Variants in LAMB2 observed in about 807,000 individuals in gnomAD.
LAMB2 encodes the protein laminin subunit beta 2.
Under a neutral mutation model 202.7 loss-of-function variants are expected in LAMB2, and 119 were observed. The observed-to-expected ratio is 0.59, with a 90% confidence interval of 0.51 to 0.68. LAMB2 has a LOEUF of 0.68. Ranked by LOEUF, LAMB2 falls within the 30% of genes least tolerant of loss-of-function variation. The pLI is 0.00. For missense variants in LAMB2, 2,124 were observed against 2,410.6 expected, an observed-to-expected ratio of 0.88 and a Z score of 2.49; for synonymous variants, 818 against 902.2, an observed-to-expected ratio of 0.91 and a Z score of 1.67.
Position 49,122,143 on chromosome 3 carries a change from G to A in LAMB2, c.4781+20C>T. The A allele has an allele frequency of 1.2e-6, 2 of 1,613,512 alleles. No individual in the cohort carries two copies. The highest frequency in any genetic ancestry group is 1.6e-4 in the Middle Eastern group (1 of 6,062). On this transcript the variant is annotated intron_variant, in intron 28 of 31. Coordinates refer to ENST00000305544, the MANE Select transcript of LAMB2 (RefSeq NM_002292.4). ...ATCAAAACCAGGTGTCAGGGATAGG[G>A]GCCAGGGATGGGGTCAGACCTTGCC...
chr3:49,125,666 G>C, intron 18 of LAMB2, 81 bp downstream of exon 18: 1 of 1,564,870 alleles, frequency 6.4e-7, no homozygotes, highest in Non-Finnish European at 8.7e-7. Context: ...GAGGAAACCA[G>C]CAGCAGGTCC....
chr3:49,130,158 T>G lies in LAMB2; in HGVS notation c.1225+73A>C. ...CCCCTAACCCCAATTTCCTGCAATT[T>G]AGACAGCAGTCCAGCTCTCTAGTTC... is the stretch of plus-strand genomic sequence containing the variant. On this transcript the variant is annotated intron_variant, in intron 9 of 31. Coordinates refer to ENST00000305544, the MANE Select transcript of LAMB2 (RefSeq NM_002292.4). This position sits in a 1 kb window ranked among gnomAD's most constrained non-coding sequence, Gnocchi z 5.0. 6.3e-7 allele frequency: 1 copy of G among 1,597,834 alleles called. No individual in the cohort carries two copies. Among genetic ancestry groups the G allele is most frequent in the Admixed American group, 1.7e-5 (1 of 58,724 alleles).
chr3:49,128,655 T>C lies in LAMB2; in HGVS notation c.1890+6A>G, dbSNP rs1018891493. The C allele has an allele frequency of 1.2e-6, 2 of 1,613,934 alleles. No individual in the cohort carries two copies. Among genetic ancestry groups the C allele is most frequent in the African/African-American group, 2.7e-5 (2 of 74,872 alleles). On this transcript the variant is annotated splice_donor_region_variant and intron_variant, in intron 14 of 31. Coordinates refer to ENST00000305544, the MANE Select transcript of LAMB2 (RefSeq NM_002292.4). ...TTCAGCCCCAGATTAGATAACAGGGTCTAACCTGGGGCTCTAAGCGCAGCA... is the reference window on the plus strand; with the variant it reads ...TTCAGCCCCAGATTAGATAACAGGGCCTAACCTGGGGCTCTAAGCGCAGCA...
rs771215576 is a variant in LAMB2 at position 49,123,313 on chromosome 3, T to A, written c.4043A>T (p.Asn1348Ile). 3.1e-6 allele frequency: 5 copies of A among 1,614,060 alleles called. No homozygotes were observed. The highest frequency in any genetic ancestry group is 4.2e-6 in the Non-Finnish European group (5 of 1,180,008). Residue 1348 changes from asparagine to isoleucine, a missense_variant, in exon 26 of 32, where the codon AAT becomes ATT. Physicochemically the swap from Asn to Ile is moderately radical, Grantham distance 149. Coordinates refer to ENST00000305544, the MANE Select transcript of LAMB2 (RefSeq NM_002292.4). ...GCTAGGTACTGCCAGGGCTGAGGTA[T>A]TGGCACGACGTTCTGCCTCTGCAGA... ...SQSAEAERRA[N>I]TSALAVPSPV... is the part of the protein sequence containing the mutation.
At position 49,129,476 on chromosome 3, in the gene LAMB2, C is replaced by T; in HGVS notation, c.1518+128G>A. 9.3e-7 allele frequency: 1 copy of T among 1,078,596 alleles called. No homozygotes were observed. The highest frequency in any genetic ancestry group is 1.3e-5 in the South Asian group (1 of 75,248). The allele number at this position is 1,078,596 out of a possible 1,614,324, so 66.8% of individuals were successfully genotyped here. Reference sequence around the variant, plus strand: ...GGCCCACATCCTTGGCCTCCCAGACCTGAGGCTTCTCAGCCAGGACTGGAT... The same window carrying T: ...GGCCCACATCCTTGGCCTCCCAGACTTGAGGCTTCTCAGCCAGGACTGGAT... On this transcript the variant is annotated intron_variant, in intron 11 of 31. Transcript: ENST00000305544. The surrounding 1 kb of genome is among the most constrained non-coding windows in gnomAD (Gnocchi z 6.1).
At position 49,126,141 on chromosome 3, in the gene LAMB2, C is replaced by A. The variant is rs1466437719; in HGVS notation, c.2170G>T (p.Val724Phe). ...LIDSLVLLPR[V>F]LVLEMFSGGD... ...CCACTAAACATCTCTAGCACCAGGACACGGGGCAGCAGCACCAGCTGAAGG... is the reference window on the plus strand; with the variant it reads ...CCACTAAACATCTCTAGCACCAGGAAACGGGGCAGCAGCACCAGCTGAAGG... The change falls in exon 17 of 32, where the codon GTC (valine) becomes TTC (phenylalanine). Residue 724 changes from valine to phenylalanine, a missense_variant. Val to Phe is a conservative substitution (Grantham distance 50, BLOSUM62 -1). Coordinates refer to ENST00000305544, the MANE Select transcript of LAMB2 (RefSeq NM_002292.4). The A allele has an allele frequency of 2.5e-6, 4 of 1,612,820 alleles. 1 individual carries two copies. The Admixed American group carries it at 5.0e-5, about 20-fold the overall frequency.
rs773681564 is a variant in LAMB2, at chr3:49,124,827, T to C, written c.2983A>G (p.Met995Val). ...TGGGGGTCACAGGCATCAGGATCCA[T>C]TGGGTCAATGTTCCCACTGCACTCA... ...LCECSGNIDP[M>V]DPDACDPHTG... Residue 995 changes from methionine to valine, a missense_variant, in exon 21 of 32, where the codon ATG (methionine) becomes GTG (valine). This residue lies in a region of LAMB2 where 1,702 missense variants were observed against 1,896.3 expected (regional missense o/e 0.90). Transcript: ENST00000305544. 38 of 1,613,966 alleles carry C rather than the reference T, an allele frequency of 2.4e-5. No individual in the cohort carries two copies. Among genetic ancestry groups the C allele is most frequent in the African/African-American group, 1.1e-4 (8 of 74,910 alleles).
intron 16 of LAMB2, 33 bp downstream of exon 16, chr3:49,126,332 C>G: frequency 6.2e-7 from 1 of 1,614,096 alleles, no homozygotes; most frequent in Non-Finnish European, 8.5e-7. Context: ...GCCCTGCCAT[C>G]TTGGTTGGTG....
rs1131782 is a variant in LAMB2, at chr3:49,132,289, G to A, written c.366C>T (p.Ala122=). The change falls in exon 3 of 32, where the codon GCC becomes GCT. Residue 122 remains alanine, a synonymous_variant. Coordinates refer to ENST00000305544, the MANE Select transcript of LAMB2 (RefSeq NM_002292.4). This position sits in a 1 kb window ranked among gnomAD's most constrained non-coding sequence, Gnocchi z 4.6. ...VTSFAPQRRA[A]WWQSENGIPA... Reference sequence around the variant, plus strand: ...CCTCACCATTCTCTGACTGCCACCAGGCTGCCCGCCGCTGTGGTGCAAAGC... The same window carrying A: ...CCTCACCATTCTCTGACTGCCACCAAGCTGCCCGCCGCTGTGGTGCAAAGC... 6 of 1,614,132 alleles carry A rather than the reference G, an allele frequency of 3.7e-6. No homozygotes were observed. The highest frequency in any genetic ancestry group is 5.1e-6 in the Non-Finnish European group (6 of 1,180,048).
Position 49,123,289 on chromosome 3 carries a change from C to G in LAMB2, c.4067G>C (p.Ser1356Thr). 7 of 1,614,104 alleles carry G rather than the reference C, an allele frequency of 4.3e-6. No homozygotes were observed. Among genetic ancestry groups the G allele is most frequent in the Non-Finnish European group, 5.9e-6 (7 of 1,180,034 alleles). Residue 1356 changes from serine to threonine, a missense_variant, in exon 26 of 32, where the codon AGC (serine) becomes ACC (threonine). Transcript: ENST00000305544. The part of the protein sequence containing the change: ...RANTSALAVP[S>T]PVSNSASARH... ...AGCACTTGCCGAGTTGCTCACAGGG[C>G]TAGGTACTGCCAGGGCTGAGGTATT...
rs759179360 is a variant in LAMB2, at chr3:49,123,149, T to C, written c.4207A>G (p.Thr1403Ala). Residue 1403 changes from threonine to alanine, a missense_variant, in exon 26 of 32, where the codon ACA becomes GCA. By Grantham distance (58) the Thr-to-Ala change is moderately conservative (BLOSUM62 0). Around this residue, in one of 3 missense-constraint regions of LAMB2, gnomAD observed 1,702 missense variants for 1,896.3 expected, o/e 0.90. Transcript: ENST00000305544. ...AACCTCACCAGCTCATTTATGTCTG[T>C]CAGGCTCAGGGTGTGGGTATGGGCA... Reference protein sequence around the residue: ...LSAHTHTLSLTDINELVCGAP... With the variant: ...LSAHTHTLSLADINELVCGAP... 7 of 1,612,890 alleles carry C rather than the reference T, an allele frequency of 4.3e-6. No individual in the cohort carries two copies. In the South Asian group the frequency reaches 7.7e-5, roughly 18 times the overall value.
Position 49,132,432 on chromosome 3 carries a change from T to C in LAMB2, c.250-27A>G, listed in dbSNP as rs780826262. The C allele has an allele frequency of 6.2e-7, 1 of 1,614,232 alleles. No individual in the cohort carries two copies. The highest frequency in any genetic ancestry group is 8.5e-7 in the Non-Finnish European group (1 of 1,180,040). ...TGGGTTGGATGGGGATTAGAATCAG[T>C]GCCTCAGGCAGTGCCAGCCCCACCC... On this transcript the variant is annotated intron_variant, in intron 2 of 31. Transcript: ENST00000305544. This position sits in a 1 kb window ranked among gnomAD's most constrained non-coding sequence, Gnocchi z 4.6.
intron 13 of LAMB2, 37 bp downstream of exon 13, chr3:49,128,983 C>A: frequency 1.2e-6 from 2 of 1,604,514 alleles, no homozygotes; most frequent in East Asian, 4.5e-5. Flanking sequence ...ACGTGTCCAC[C>A]CACATCCAGC....
Position 49,132,220 on chromosome 3 carries a change from A to G in LAMB2, c.386-31T>C. 6.2e-7 allele frequency: 1 copy of G among 1,614,132 alleles called. No individual in the cohort carries two copies. The highest frequency in any genetic ancestry group is 8.5e-7 in the Non-Finnish European group (1 of 1,180,008). ...ACAGGAATCGGAAGTCAAGGACTCA[A>G]AGCTACTGGTGGGCAGCCCTGCTCA... On this transcript the variant is annotated intron_variant, in intron 3 of 31. Coordinates refer to ENST00000305544, the MANE Select transcript of LAMB2 (RefSeq NM_002292.4). The surrounding 1 kb of genome is among the most constrained non-coding windows in gnomAD (Gnocchi z 4.6).
In LAMB2 at chr3:49,132,659, C is replaced by G. The variant is rs1426983318; in HGVS notation, c.81G>C (p.Leu27=). 6.2e-7 allele frequency: 1 copy of G among 1,614,174 alleles called. No homozygotes were observed. Among genetic ancestry groups the G allele is most frequent in the Admixed American group, 1.7e-5 (1 of 60,028 alleles). The change falls in exon 2 of 32, where the codon CTG becomes CTC. Residue 27 remains leucine (L), a synonymous_variant. Transcript: ENST00000305544. The surrounding 1 kb of genome is among the most constrained non-coding windows in gnomAD (Gnocchi z 4.6). ...CAGGGGCCTGTGCCAGTGTGGCAGC[C>G]AGCACTGGGGACAGTAGCTCAGTCA... ...ELRLGLLLSV[L]AATLAQAPAP...
At position 49,123,573 on chromosome 3, in the gene LAMB2, C is replaced by A. The variant is rs768658939; in HGVS notation, c.3856G>T (p.Val1286Leu). 3.1e-6 allele frequency: 5 copies of A among 1,614,216 alleles called. No homozygotes were observed. The highest frequency in any genetic ancestry group is 4.2e-6 in the Non-Finnish European group (5 of 1,180,050). ...TTGGCATTGAAGTTCTCATCTTGCA[C>A]ATCTGTCAGGTCTGCCTCGAGCTGA... ...LTQLEADLTD[V>L]QDENFNANHA... Residue 1286 changes from valine (V) to leucine (L), a missense_variant, in exon 25 of 32, where the codon GTG (valine) becomes TTG (leucine). Val to Leu is a conservative substitution (Grantham distance 32, BLOSUM62 1). Transcript: ENST00000305544.
Position 49,124,531 on chromosome 3 carries a change from T to A in LAMB2, c.3191A>T (p.Gln1064Leu). Residue 1064 changes from glutamine to leucine, a missense_variant, in exon 22 of 32, where the codon CAG becomes CTG. This residue lies in a region of LAMB2 where 1,702 missense variants were observed against 1,896.3 expected (regional missense o/e 0.90). Transcript: ENST00000305544. ...DQCHCDPSSG[Q>L]CPCLPNVQGP... ...CTGGACATTGGGGAGGCATGGGCAC[T>A]GCCCACTGCTTGGATCACAGTGGCA... is the stretch of plus-strand genomic sequence containing the variant. 1 of 1,613,832 alleles carries A rather than the reference T, an allele frequency of 6.2e-7. No homozygotes were observed. The highest frequency in any genetic ancestry group is 8.5e-7 in the Non-Finnish European group (1 of 1,180,022).
rs752555170 is a variant in LAMB2 at position 49,122,697 on chromosome 3, G to T, written c.4573+7C>A. The T allele has an allele frequency of 6.2e-7, 1 of 1,611,048 alleles. No individual in the cohort carries two copies. Among genetic ancestry groups the T allele is most frequent in the Non-Finnish European group, 8.5e-7 (1 of 1,177,218 alleles). On this transcript the variant is annotated splice_region_variant and intron_variant, in intron 27 of 31. Transcript: ENST00000305544. Reference sequence around the variant, plus strand: ...ACCACATGGCCTGGGACACGTGGGAGGCTCACGGTTGAGGAAGTCCTTCAC... The same window carrying T: ...ACCACATGGCCTGGGACACGTGGGATGCTCACGGTTGAGGAAGTCCTTCAC...
rs537474646 is a variant in LAMB2, at chr3:49,122,998, C to T, written c.4279G>A (p.Gly1427Ser). 1.4e-5 allele frequency: 22 copies of T among 1,608,862 alleles called. No homozygotes were observed. The highest frequency in any genetic ancestry group is 6.7e-5 in the East Asian group (3 of 44,882). Residue 1427 changes from glycine to serine, a missense_variant, in exon 27 of 32, where the codon GGC (glycine) becomes AGC (serine). By Grantham distance (56) the Gly-to-Ser change is moderately conservative. Around this residue, in one of 3 missense-constraint regions of LAMB2, gnomAD observed 1,702 missense variants for 1,896.3 expected, o/e 0.90. Coordinates refer to ENST00000305544, the MANE Select transcript of LAMB2 (RefSeq NM_002292.4). Reference sequence around the variant, plus strand: ...GGCTGCCCATCCTCATCTCGACAGCCGGCACCCCCACAAGGGCTTGTAGCA... The same window carrying T: ...GGCTGCCCATCCTCATCTCGACAGCTGGCACCCCCACAAGGGCTTGTAGCA... ...PCATSPCGGAGCRDEDGQPRC... is the reference protein window; with the variant it reads ...PCATSPCGGASCRDEDGQPRC...
Sources: allele counts gnomAD v4.1 joint callset, GRCh38; gene constraint gnomAD v4.1.1; regional missense constraint gnomAD v4.1.1; non-coding constraint Gnocchi (gnomAD v3.1); transcripts MANE v1.5; gene names NCBI Gene and HGNC (gene_info 2026-07-23, HGNC 2026-07-21).